Variants in ACSL1 observed in about 807,000 individuals in gnomAD.
ACSL1 encodes long-chain-fatty-acid--CoA ligase 1.
Under a neutral mutation model 98.4 loss-of-function variants are expected in ACSL1, and 41 were observed. The ratio of observed to expected loss-of-function variants is 0.42; its 90% CI spans 0.32 to 0.54. The LOEUF (loss-of-function observed/expected upper bound fraction) is 0.54. Ranked by LOEUF, ACSL1 falls within the 20% of genes least tolerant of loss-of-function variation. ACSL1 has a pLI of 0.13. For synonymous variants in ACSL1, 316 were observed against 322.7 expected, an observed-to-expected ratio of 0.98 and a Z score of 0.22; for missense variants, 734 against 883.1, an observed-to-expected ratio of 0.83 and a Z score of 2.14.
intron 15 of ACSL1, 99 bp from the exon 16 acceptor site, chr4:184,763,354 G>A (rs768222770): frequency 2.9e-5 from 32 of 1,102,604 alleles, no homozygotes; most frequent in Admixed American, 1.3e-4. Flanking sequence ...TAAGAAAAAC[G>A]GCTGGGATAA....
At chr4:184,774,718 G>A (rs781622237) in intron 7 of ACSL1, among the ~76,000 whole-genome samples, 6 of 152,070 alleles carry the variant, frequency 3.9e-5, no homozygotes, top group Admixed American at 3.3e-4. Context: ...CATTGAACAC[G>A]CCATTGAACA....
In ACSL1 at chr4:184,762,489, T is replaced by C; in HGVS notation, c.1556A>G (p.Tyr519Cys). 2 of 1,614,238 alleles carry C rather than the reference T, an allele frequency of 1.2e-6. No individual in the cohort carries two copies. Among genetic ancestry groups the C allele is most frequent in the Non-Finnish European group, 1.7e-6 (2 of 1,180,042 alleles). ...CVKGPNVFQG[Y>C]LKDPAKTAEA... ...TGCTGTTTTCGCTGGGTCCTTCAAG[T>C]AGCCCTGAAATACATTTGGCCCTTT... The change falls in exon 17 of 21, where the codon TAC becomes TGC. Residue 519 changes from tyrosine to cysteine, a missense_variant. Transcript: ENST00000281455.
rs770601964 is a variant in ACSL1 at position 184,786,452 on chromosome 4, ACACACACT to A, written c.310+2157_310+2164del. Among the ~76,000 whole-genome samples the A allele has an allele frequency of 4.3e-3, 629 of 146,454 alleles. 5 individuals carry two copies. Among genetic ancestry groups the A allele is most frequent in the Non-Finnish European group, 5.8e-3 (377 of 65,188 alleles). ...CACACACACACACACACACACACAC[ACACACACT>A]GTTTCATGTGCCATATGTTAGGCTG... On this transcript the variant is annotated intron_variant, in intron 3 of 20. Coordinates refer to ENST00000281455, the MANE Select transcript of ACSL1 (RefSeq NM_001995.5).
intron 5 of ACSL1, among the ~76,000 whole-genome samples, chr4:184,777,557 G>T (rs7683514): frequency 6.6e-6 from 1 of 150,438 alleles, no homozygotes; most frequent in African/African-American, 2.5e-5. Flanking sequence ...AAAGAGGAGA[G>T]ATTGAGAAAG....
chr4:184,781,539 T>A (rs535760996), intron 4 of ACSL1, among the ~76,000 whole-genome samples: 1 of 152,170 alleles, frequency 6.6e-6, no homozygotes, highest in African/African-American at 2.4e-5. Flanking sequence ...CTACCCCAAA[T>A]AAACTAAAAT....
intron 14 of ACSL1, among the ~76,000 whole-genome samples, chr4:184,765,219 A>C (rs1283941815): frequency 1.3e-5 from 2 of 152,128 alleles, no homozygotes; most frequent in Non-Finnish European, 2.9e-5. Flanking sequence ...CAGGACATGT[A>C]CCCCACACAT....
chr4:184,758,763 TTC>T (rs1444019616), intron 18 of ACSL1: 1 of 152,150 alleles, frequency 6.6e-6, no homozygotes, highest in Non-Finnish European at 1.5e-5. Flanking sequence ...TAACAACTTT[TTC>T]TTTTTTTTTT....
intron 4 of ACSL1, among the ~76,000 whole-genome samples, chr4:184,781,173 G>A (rs1766194076): frequency 1.4e-5 from 2 of 145,414 alleles, no homozygotes; most frequent in Admixed American, 7.2e-5. Context: ...GGAGTCTGCA[G>A]TGCACTGAGA....
At chr4:184,797,016 G>T (rs984899443) in intron 2 of ACSL1, among the ~76,000 whole-genome samples, 1 of 152,136 alleles carries the variant, frequency 6.6e-6, no homozygotes, top group African/African-American at 2.4e-5. Flanking sequence ...CAGTGAGGGC[G>T]AGTGACACCA....
rs1762670208 is a variant in ACSL1, at chr4:184,760,247, T to C, written c.1782+110A>G. 4.7e-6 allele frequency: 6 copies of C among 1,279,308 alleles called. No homozygotes were observed. In the Middle Eastern group the frequency reaches 1.3e-3, roughly 273 times the overall value. 79.2% of individuals were successfully genotyped at this position (1,279,308 alleles called of 1,614,324 possible). On this transcript the variant is annotated intron_variant, in intron 18 of 20. Transcript: ENST00000281455. The stretch of plus-strand genomic sequence containing the variant: ...CAATGATATTCTAGCAGATTAGACA[T>C]GAAAGCCAAGTGATAGGCGTCTCAA...
intron 2 of ACSL1, among the ~76,000 whole-genome samples, chr4:184,795,221 G>A (rs1387837778): frequency 3.3e-5 from 5 of 152,184 alleles, no homozygotes; most frequent in Admixed American, 2.6e-4. Context: ...TGGACAATGG[G>A]TGCTGAAGGT....
chr4:184,766,772 A>G lies in ACSL1; in HGVS notation c.1129-16T>C. 1 of 1,606,194 alleles carries G rather than the reference A, an allele frequency of 6.2e-7. No individual in the cohort carries two copies. Among genetic ancestry groups the G allele is most frequent in the Non-Finnish European group, 8.5e-7 (1 of 1,173,700 alleles). ...GTCCGAAAATCTAATGAGGCAAGACATGAGAAAGTTTTCACACCTACTAGG... is the reference window on the plus strand; with the variant it reads ...GTCCGAAAATCTAATGAGGCAAGACGTGAGAAAGTTTTCACACCTACTAGG... On this transcript the variant is annotated splice_polypyrimidine_tract_variant and intron_variant, in intron 12 of 20. Transcript: ENST00000281455. This position sits in a 1 kb window ranked among gnomAD's most constrained non-coding sequence, Gnocchi z 4.8.
chr4:184,756,960 TTC>T lies in ACSL1; in HGVS notation c.*163_*164del, dbSNP rs773033128. On this transcript the variant is annotated 3_prime_UTR_variant, in exon 21 of 21. Coordinates refer to ENST00000281455, the MANE Select transcript of ACSL1 (RefSeq NM_001995.5). ...AACATGAGGTGACTGTAAGGCAGTG[TTC>T]TCTTTCCTCTAGCATTCCTATGAGA... The T allele has an allele frequency of 6.5e-5, 52 of 803,620 alleles. No homozygotes were observed. Among genetic ancestry groups the T allele is most frequent in the Non-Finnish European group, 9.8e-5 (52 of 532,830 alleles). 49.8% of individuals were successfully genotyped at this position (803,620 alleles called of 1,614,324 possible). A position where few individuals can be genotyped will look rare whatever the true frequency, so the allele number is the denominator to read the frequency against.
At position 184,763,162 on chromosome 4, in the gene ACSL1, C is replaced by T; in HGVS notation, c.1521+5G>A. On this transcript the variant is annotated splice_donor_5th_base_variant and intron_variant, in intron 16 of 20. Coordinates refer to ENST00000281455, the MANE Select transcript of ACSL1 (RefSeq NM_001995.5). ...GAGGGAAAATGACTGACGGTTTTCACTCACCTCGCCCTCGCCCTCGGCAGC... is the reference window on the plus strand; with the variant it reads ...GAGGGAAAATGACTGACGGTTTTCATTCACCTCGCCCTCGCCCTCGGCAGC... 6.2e-7 allele frequency: 1 copy of T among 1,611,666 alleles called. No individual in the cohort carries two copies. The highest frequency in any genetic ancestry group is 8.5e-7 in the Non-Finnish European group (1 of 1,179,520).
intron 2 of ACSL1, among the ~76,000 whole-genome samples, chr4:184,802,483 C>T (rs916252502): frequency 1.3e-5 from 2 of 151,990 alleles, no homozygotes; most frequent in Non-Finnish European, 2.9e-5. Flanking sequence ...GGGTGACTGA[C>T]TTGGGTAGGG....
chr4:184,817,225 A>G (rs546234467), intron 1 of ACSL1, among the ~76,000 whole-genome samples: 1 of 152,048 alleles, frequency 6.6e-6, no homozygotes, highest in East Asian at 1.9e-4. Flanking sequence ...TGGCATTCAG[A>G]GGTCTCTCAT....
chr4:184,784,986 A>G (rs925803602), intron 3 of ACSL1, among the ~76,000 whole-genome samples: 1 of 152,244 alleles, frequency 6.6e-6, no homozygotes, highest in Admixed American at 6.5e-5. Context: ...TGCATTAGCC[A>G]TATGAAATGA....
chr4:184,766,867 G>A lies in ACSL1; in HGVS notation c.1129-111C>T. On this transcript the variant is annotated intron_variant, in intron 12 of 20. Coordinates refer to ENST00000281455, the MANE Select transcript of ACSL1 (RefSeq NM_001995.5). The surrounding 1 kb of genome is among the most constrained non-coding windows in gnomAD (Gnocchi z 4.8). Reference sequence around the variant, plus strand: ...CAGCTGGGGAACACAAAATGGCACAGCTGCTCTGACAGCCTGGCCGGTCCT... The same window carrying A: ...CAGCTGGGGAACACAAAATGGCACAACTGCTCTGACAGCCTGGCCGGTCCT... The A allele has an allele frequency of 1.6e-6, 2 of 1,271,042 alleles. No individual in the cohort carries two copies. The highest frequency in any genetic ancestry group is 2.1e-6 in the Non-Finnish European group (2 of 932,108). 78.7% of individuals were successfully genotyped at this position (1,271,042 alleles called of 1,614,324 possible).
Position 184,773,916 on chromosome 4 carries a change from T to C in ACSL1, c.757-41A>G. 5 of 1,611,500 alleles carry C rather than the reference T, an allele frequency of 3.1e-6. No individual in the cohort carries two copies. The highest frequency in any genetic ancestry group is 4.2e-6 in the Non-Finnish European group (5 of 1,178,292). The stretch of plus-strand genomic sequence containing the variant: ...AAAAAAGTCTTAAATGGAAACGTTT[T>C]CTAACTGTAAAGGATAAGGTCACAT... On this transcript the variant is annotated intron_variant, in intron 7 of 20. Coordinates refer to ENST00000281455, the MANE Select transcript of ACSL1 (RefSeq NM_001995.5). This position sits in a 1 kb window ranked among gnomAD's most constrained non-coding sequence, Gnocchi z 4.3.
Sources: gnomAD v4.1 joint callset for allele counts (sites outside exome capture counted in the v4.1 genomes callset) on GRCh38, gnomAD v4.1.1 for gene constraint, Gnocchi (gnomAD v3.1) non-coding constraint, MANE v1.5 for transcripts, NCBI Gene and HGNC (gene_info 2026-07-23, HGNC 2026-07-21) for gene names.